The following FHIT variants were observed in gnomAD, a reference collection of about 807,000 sequenced individuals.
FHIT encodes the protein bis(5'-adenosyl)-triphosphatase.
In FHIT, 19 loss-of-function variants were observed where a neutral mutation model predicts 17.9. The observed-to-expected ratio is 1.06, with a 90% CI of 0.74 to 1.56. FHIT has a LOEUF of 1.56. Ranked by LOEUF, FHIT falls within the 40% of genes most tolerant of loss-of-function variation. FHIT has a pLI of 0.00. For synonymous variants in FHIT, 81 were observed against 69.7 expected, an observed-to-expected ratio of 1.16 and a Z score of -0.81; for missense variants, 248 against 189.2, an observed-to-expected ratio of 1.31 and a Z score of -1.82.
chr3:61,044,115 A>C (rs973858635), intron 2 of FHIT, among the ~76,000 whole-genome samples: 3 of 152,208 alleles, frequency 2.0e-5, no homozygotes, highest in African/African-American at 7.2e-5. Context: ...CAAGGGAACA[A>C]AGCTGGATGG....
chr3:60,043,217 T>C (rs1412518660), intron 5 of FHIT, among the ~76,000 whole-genome samples: 2 of 152,236 alleles, frequency 1.3e-5, no homozygotes, highest in Non-Finnish European at 2.9e-5. Context: ...TGACATCACC[T>C]AAGTTAGCAT....
chr3:60,478,935 T>G (rs2033476368), intron 5 of FHIT, among the ~76,000 whole-genome samples: 1 of 152,168 alleles, frequency 6.6e-6, no homozygotes, highest in East Asian at 1.9e-4. Flanking sequence ...ACTATTGCTC[T>G]GGGAATTACA....
At chr3:61,096,275 A>C (rs762054157) in intron 2 of FHIT, among the ~76,000 whole-genome samples, 5 of 152,104 alleles carry the variant, frequency 3.3e-5, no homozygotes, top group Non-Finnish European at 7.4e-5. Flanking sequence ...CAAAGTGTCT[A>C]ATTGATTGTG....
chr3:60,814,168 TA>T (rs200217452), intron 4 of FHIT, among the ~76,000 whole-genome samples: 3 of 152,088 alleles, frequency 2.0e-5, no homozygotes, highest in Non-Finnish European at 4.4e-5. Flanking sequence ...TAGGTCTTTT[TA>T]AAAAAAATTC....
chr3:61,083,538 C>A (rs2035212123), intron 2 of FHIT, among the ~76,000 whole-genome samples: 3 of 152,130 alleles, frequency 2.0e-5, no homozygotes, highest in Admixed American at 2.0e-4. Flanking sequence ...TGCAGTGAGC[C>A]GAGATCGCGC....
At chr3:60,713,020 G>T (rs1435813389) in intron 4 of FHIT, among the ~76,000 whole-genome samples, 2 of 151,772 alleles carry the variant, frequency 1.3e-5, no homozygotes, top group African/African-American at 4.8e-5. Context: ...TGACCACATA[G>T]TTGGAAGTAA....
At chr3:60,912,323 C>T (rs1300339720) in intron 3 of FHIT, among the ~76,000 whole-genome samples, 1 of 152,090 alleles carries the variant, frequency 6.6e-6, no homozygotes, top group African/African-American at 2.4e-5. Flanking sequence ...TCCGATCATA[C>T]CGGGAAATGA....
At chr3:60,542,580 A>G (rs1454670283) in intron 4 of FHIT, among the ~76,000 whole-genome samples, 1 of 152,136 alleles carries the variant, frequency 6.6e-6, no homozygotes, top group African/African-American at 2.4e-5. Flanking sequence ...TGAATTGCCA[A>G]TTCATATACT....
chr3:60,460,832 C>T (rs2032415967), intron 5 of FHIT, among the ~76,000 whole-genome samples: 1 of 152,144 alleles, frequency 6.6e-6, no homozygotes, highest in African/African-American at 2.4e-5. Context: ...AGCCAGATGG[C>T]CCATAACAGC....
At chr3:60,208,287 T>C (rs1703293155) in intron 5 of FHIT, among the ~76,000 whole-genome samples, 1 of 152,196 alleles carries the variant, frequency 6.6e-6, no homozygotes, top group South Asian at 2.1e-4. Context: ...AGAAGCTTAT[T>C]AAAAGATGCA....
At chr3:60,039,996 T>C (rs923415264) in intron 5 of FHIT, among the ~76,000 whole-genome samples, 1 of 152,216 alleles carries the variant, frequency 6.6e-6, no homozygotes, top group East Asian at 1.9e-4. Context: ...AGGTATGATA[T>C]GGTATGGAAA....
chr3:60,017,404 G>A (rs1429903467), intron 5 of FHIT, among the ~76,000 whole-genome samples: 2 of 152,166 alleles, frequency 1.3e-5, no homozygotes, highest in African/African-American at 2.4e-5. Context: ...GGGATACAAA[G>A]CTGGCATTTT....
intron 5 of FHIT, among the ~76,000 whole-genome samples, chr3:60,340,319 T>G (rs1239287809): frequency 1.3e-5 from 2 of 152,186 alleles, no homozygotes; most frequent in Non-Finnish European, 2.9e-5. Context: ...TGGCTTTCTT[T>G]GGTGACTCTT....
chr3:60,142,184 A>G (rs1700063901), intron 5 of FHIT, among the ~76,000 whole-genome samples: 1 of 152,182 alleles, frequency 6.6e-6, no homozygotes, highest in South Asian at 2.1e-4. Flanking sequence ...ATCAGCTCAA[A>G]TCATGACTCT....
intron 8 of FHIT, among the ~76,000 whole-genome samples, chr3:59,753,616 A>C (rs1464118381): frequency 1.3e-5 from 2 of 152,228 alleles, no homozygotes; most frequent in Admixed American, 6.5e-5. Context: ...TTATGTGTTA[A>C]AAGTCATTTG....
At chr3:60,062,699 A>G (rs1270974352) in intron 5 of FHIT, among the ~76,000 whole-genome samples, 1 of 152,174 alleles carries the variant, frequency 6.6e-6, no homozygotes, top group East Asian at 1.9e-4. Context: ...ACGCTGTTTG[A>G]GAAATGTTCT....
At chr3:60,645,665 C>T (rs2039838470) in intron 4 of FHIT, among the ~76,000 whole-genome samples, 1 of 152,128 alleles carries the variant, frequency 6.6e-6, no homozygotes, top group Non-Finnish European at 1.5e-5. Context: ...TTATGGGTGG[C>T]TCTGTGAAAC....
intron 8 of FHIT, among the ~76,000 whole-genome samples, chr3:59,765,553 C>G (rs1701750783): frequency 6.6e-6 from 1 of 152,228 alleles, no homozygotes; most frequent in Admixed American, 6.5e-5. Flanking sequence ...ATTACTCAGA[C>G]AGTCTGATCC....
At chr3:60,849,447 T>TATAC (rs1703056336) in intron 3 of FHIT, among the ~76,000 whole-genome samples, 1 of 146,458 alleles carries the variant, frequency 6.8e-6, no homozygotes, top group Non-Finnish European at 1.5e-5. Context: ...ATGAAATATA[T>TATAC]ATATATATAT....
Sources: gnomAD v4.1 joint callset for allele counts (sites outside exome capture counted in the v4.1 genomes callset) on GRCh38, gnomAD v4.1.1 for gene constraint, MANE v1.5 for transcripts, NCBI Gene and HGNC (gene_info 2026-07-23, HGNC 2026-07-21) for gene names.